The following AAK1 variants were observed in gnomAD, a reference collection of about 807,000 sequenced individuals.
The protein encoded by AAK1 is AP2-associated protein kinase 1.
In AAK1, 37 loss-of-function variants were observed where a neutral mutation model predicts 116.0. That is an observed-to-expected ratio of 0.32 (90% CI 0.25 to 0.42). The LOEUF is 0.42. Among genes scored for constraint, AAK1 ranks in the 10% least tolerant of loss-of-function variants. The pLI is 1.00. For missense variants in AAK1, 919 were observed against 1,170.6 expected, an observed-to-expected ratio of 0.79 and a Z score of 3.14; for synonymous variants, 458 against 439.9, an observed-to-expected ratio of 1.04 and a Z score of -0.51.
chr2:69,574,802 T>C (rs1672235136), intron 2 of AAK1, among the ~76,000 whole-genome samples: 1 of 151,636 alleles, frequency 6.6e-6, no homozygotes, highest in Admixed American at 6.6e-5. Flanking sequence ...AGACCTCATC[T>C]CTACAAAAAC....
intron 16 of AAK1, 45 bp downstream of exon 16, chr2:69,505,524 G>A: frequency 6.6e-7 from 1 of 1,522,312 alleles, no homozygotes; most frequent in South Asian, 1.1e-5. Flanking sequence ...ACAGTGTGAA[G>A]GTAACAACAG....
intron 2 of AAK1, among the ~76,000 whole-genome samples, chr2:69,614,927 A>G (rs1674256139): frequency 6.6e-6 from 1 of 152,096 alleles, no homozygotes; most frequent in Non-Finnish European, 1.5e-5. Flanking sequence ...TCTCCCCTGG[A>G]GCTTTTGAGG....
intron 2 of AAK1, among the ~76,000 whole-genome samples, chr2:69,622,330 G>A (rs922842856): frequency 6.0e-5 from 9 of 148,978 alleles, no homozygotes; most frequent in South Asian, 4.4e-4. Flanking sequence ...CCCGCCCGGC[G>A]GTGGGCTCCT....
chr2:69,535,403 T>C (rs1431405501), intron 5 of AAK1, among the ~76,000 whole-genome samples: 1 of 137,750 alleles, frequency 7.3e-6, no homozygotes, highest in Non-Finnish European at 1.6e-5. Context: ...TCCTACTATA[T>C]GCCAAGAACT....
chr2:69,538,950 A>G (rs1352272747), intron 5 of AAK1, among the ~76,000 whole-genome samples: 1 of 152,214 alleles, frequency 6.6e-6, no homozygotes, highest in Non-Finnish European at 1.5e-5. Context: ...ACTTTCTAAA[A>G]GGATCCTCTG....
intron 2 of AAK1, among the ~76,000 whole-genome samples, chr2:69,628,335 G>A (rs1008843589): frequency 6.0e-5 from 9 of 150,696 alleles, no homozygotes; most frequent in African/African-American, 9.8e-5. Flanking sequence ...TAACATTTCC[G>A]TCTCATCAAC....
intron 2 of AAK1, among the ~76,000 whole-genome samples, chr2:69,605,390 A>G (rs1194737854): frequency 6.6e-6 from 1 of 152,126 alleles, no homozygotes; most frequent in Non-Finnish European, 1.5e-5. Flanking sequence ...GGAAACCCTA[A>G]CCATTCTCCT....
At chr2:69,626,508 A>AT (rs527390302) in intron 2 of AAK1, among the ~76,000 whole-genome samples, 8,425 of 149,374 alleles carry the variant, frequency 0.056, 757 homozygotes, top group African/African-American at 0.19. Flanking sequence ...TATTATTATT[A>AT]TTTTTTTTTG....
chr2:69,556,756 T>C lies in AAK1; in HGVS notation c.282+104A>G. On this transcript the variant is annotated intron_variant, in intron 3 of 21. Transcript: ENST00000409085. ...GAGTCCCATTTTGTACAGAGGCCTC[T>C]GTACCATCTCAGGGAAGGGAACAAA... 1.1e-5 allele frequency: 9 copies of C among 818,620 alleles called. No individual in the cohort carries two copies. The South Asian group carries it at 1.4e-4, about 13-fold the overall frequency. The allele number at this position is 818,620 out of a possible 1,614,324, so 50.7% of individuals were successfully genotyped here. A position where few individuals can be genotyped will look rare whatever the true frequency, so the allele number is the denominator to read the frequency against.
chr2:69,488,328 TG>T (rs1675385000), intron 17 of AAK1, among the ~76,000 whole-genome samples: 1 of 152,042 alleles, frequency 6.6e-6, no homozygotes, highest in Non-Finnish European at 1.5e-5. Flanking sequence ...GAAAATAAGT[TG>T]AAGTTATAAA....
chr2:69,483,410 G>A (rs1387857222), intron 17 of AAK1, among the ~76,000 whole-genome samples: 1 of 152,156 alleles, frequency 6.6e-6, no homozygotes, highest in East Asian at 1.9e-4. Context: ...TCAATAGTTT[G>A]CTCTGTTTTT....
intron 2 of AAK1, among the ~76,000 whole-genome samples, chr2:69,622,392 G>C (rs1232423089): frequency 6.6e-6 from 1 of 152,140 alleles, no homozygotes; most frequent in Non-Finnish European, 1.5e-5. Flanking sequence ...ACAGCGCCCG[G>C]TCCCATCAAC....
chr2:69,469,387 A>G lies in AAK1; in HGVS notation c.*6482T>C, dbSNP rs1018732745. On this transcript the variant is annotated 3_prime_UTR_variant, in exon 22 of 22. Transcript: ENST00000409085. ...AACCATTAAATCTTGTTGGCAGATAAAAGTCTTTTTTTGAGTATGTGAATG... is the reference window on the plus strand; with the variant it reads ...AACCATTAAATCTTGTTGGCAGATAGAAGTCTTTTTTTGAGTATGTGAATG... The G allele has an allele frequency of 3.0e-6, 3 of 985,354 alleles. No individual in the cohort carries two copies. The African/African-American group carries it at 5.2e-5, about 17-fold the overall frequency. The allele number at this position is 985,354 out of a possible 1,614,324, so 61.0% of individuals were successfully genotyped here.
chr2:69,635,602 C>T (rs2105266889), intron 2 of AAK1, among the ~76,000 whole-genome samples: 1 of 152,194 alleles, frequency 6.6e-6, no homozygotes, highest in South Asian at 2.1e-4. Context: ...TATTCCTGAA[C>T]CTTAAACAGG....
intron 16 of AAK1, among the ~76,000 whole-genome samples, chr2:69,500,698 T>TATATATATACACACACACAC: frequency 9.2e-5 from 6 of 65,098 alleles, no homozygotes; most frequent in African/African-American, 4.7e-4. Context: ...TATATATATA[T>TATATATATACACACACACAC]ACACACACAC....
Position 69,468,795 on chromosome 2 carries a change from T to C in AAK1, c.*7074A>G, listed in dbSNP as rs1395441872. The C allele has an allele frequency of 2.0e-6, 2 of 985,418 alleles. No homozygotes were observed. Among genetic ancestry groups the C allele is most frequent in the South Asian group, 4.7e-5 (1 of 21,282 alleles). The allele number at this position is 985,418 out of a possible 1,614,324, so 61.0% of individuals were successfully genotyped here. A position where few individuals can be genotyped will look rare whatever the true frequency, so the allele number is the denominator to read the frequency against. On this transcript the variant is annotated 3_prime_UTR_variant, in exon 22 of 22. Coordinates refer to ENST00000409085, the MANE Select transcript of AAK1 (RefSeq NM_014911.5). ...ACCAAGGGGTGTGTGTATGTGCCCA[T>C]ATTCAGGGTTGGAGAGGATGGAAGA... is the stretch of plus-strand genomic sequence containing the variant.
At position 69,459,026 on chromosome 2, in the gene AAK1, A is replaced by G. The variant is rs1281396638; in HGVS notation, c.*16843T>C. On this transcript the variant is annotated 3_prime_UTR_variant, in exon 22 of 22. Coordinates refer to ENST00000409085, the MANE Select transcript of AAK1 (RefSeq NM_014911.5). ...ATTAGAAATGGCTGGGGGACAGCTG[A>G]GAATAAATTTATGGAATTACAAATT... 2 of 152,204 alleles carry G rather than the reference A, an allele frequency of 1.3e-5. No individual in the cohort carries two copies. Among genetic ancestry groups the G allele is most frequent in the African/African-American group, 4.8e-5 (2 of 41,440 alleles). 9.4% of individuals were successfully genotyped at this position (152,204 alleles called of 1,614,324 possible).
chr2:69,509,872 TC>T (rs1676325109), intron 13 of AAK1, among the ~76,000 whole-genome samples: 2 of 152,134 alleles, frequency 1.3e-5, no homozygotes, highest in South Asian at 4.1e-4. Flanking sequence ...AAGCAATAGA[TC>T]CTATCACTAC....
intron 2 of AAK1, among the ~76,000 whole-genome samples, chr2:69,580,501 T>C (rs1487165813): frequency 6.6e-6 from 1 of 152,112 alleles, no homozygotes; most frequent in Non-Finnish European, 1.5e-5. Context: ...AAAGTCTATC[T>C]GCATTAAAAA....
Sources: gnomAD v4.1 joint callset for allele counts (sites outside exome capture counted in the v4.1 genomes callset) on GRCh38, gnomAD v4.1.1 for gene constraint, MANE v1.5 for transcripts, NCBI Gene and HGNC (gene_info 2026-07-23, HGNC 2026-07-21) for gene names.